Variants in SLC6A5 observed in about 807,000 individuals in gnomAD.
The protein encoded by SLC6A5 is solute carrier family 6 member 5, also known as sodium- and chloride-dependent glycine transporter 2.
In SLC6A5, 58 loss-of-function variants were observed where a neutral mutation model predicts 90.5. The ratio of observed to expected loss-of-function variants is 0.64; its 90% CI spans 0.52 to 0.80. SLC6A5 has a LOEUF of 0.80. SLC6A5 is among the 30% of genes least tolerant of loss of function. The pLI is 0.00. For missense variants in SLC6A5, 1,015 were observed against 1,017.6 expected (o/e 1.00, Z 0.03); for synonymous variants, 427 against 401.4 (o/e 1.06, Z -0.76).
intron 10 of SLC6A5, among the ~76,000 whole-genome samples, chr11:20,631,485 ATTTT>A (rs1853109258): frequency 6.6e-6 from 1 of 152,176 alleles, no homozygotes; most frequent in African/African-American, 2.4e-5. Context: ...AAGAGCTTTC[ATTTT>A]TATTTCACTT....
intron 10 of SLC6A5, among the ~76,000 whole-genome samples, chr11:20,635,702 C>CA (rs1749023023): frequency 6.6e-6 from 1 of 152,026 alleles, no homozygotes; most frequent in Admixed American, 6.6e-5. Flanking sequence ...GGTCATGTTC[C>CA]AACTTTTAGA....
intron 5 of SLC6A5, among the ~76,000 whole-genome samples, chr11:20,613,317 G>C (rs1852727654): frequency 6.6e-6 from 1 of 151,956 alleles, no homozygotes; most frequent in African/African-American, 2.4e-5. Flanking sequence ...ATAAGTGTAA[G>C]TTGTTGTTGT....
intron 4 of SLC6A5, 63 bp downstream of exon 4, chr11:20,607,201 T>C: frequency 1.3e-6 from 2 of 1,561,036 alleles, no homozygotes; most frequent in Middle Eastern, 2.1e-4. Flanking sequence ...TCTGGCACCA[T>C]GCAGCCCCAG....
chr11:20,612,274 A>G (rs1852709065), intron 5 of SLC6A5, among the ~76,000 whole-genome samples: 3 of 152,200 alleles, frequency 2.0e-5, no homozygotes, highest in Admixed American at 2.0e-4. Flanking sequence ...GTTATGGCTA[A>G]AATTTATTGA....
intron 13 of SLC6A5, 47 bp downstream of exon 13, chr11:20,638,605 G>A: frequency 2.7e-6 from 3 of 1,102,764 alleles, no homozygotes; most frequent in Non-Finnish European, 4.2e-6. Context: ...TTGAGTGTCG[G>A]TAAGGCATTC....
intron 4 of SLC6A5, 96 bp from the exon 5 acceptor site, chr11:20,607,383 A>G: frequency 7.1e-7 from 1 of 1,403,906 alleles, no homozygotes; most frequent in Non-Finnish European, 1.0e-6. Flanking sequence ...CATTCTGTAC[A>G]AGAGAGCCTA....
chr11:20,639,917 G>A (rs1853280619), intron 13 of SLC6A5, among the ~76,000 whole-genome samples: 1 of 152,224 alleles, frequency 6.6e-6, no homozygotes, highest in South Asian at 2.1e-4. Flanking sequence ...AGACCAAGCT[G>A]CCAGCACTTT....
intron 5 of SLC6A5, among the ~76,000 whole-genome samples, chr11:20,608,549 A>T (rs1425916786): frequency 6.6e-6 from 1 of 152,212 alleles, no homozygotes; most frequent in Non-Finnish European, 1.5e-5. Context: ...AGAAATGAGG[A>T]GTGTGATACA....
chr11:20,614,656 C>T (rs774260572), intron 5 of SLC6A5, 23 bp from the exon 6 acceptor site: 1 of 1,608,712 alleles, frequency 6.2e-7, no homozygotes. Flanking sequence ...AACTGTGTTT[C>T]TATTCTGTCC....
chr11:20,632,328 G>T (rs944463897), intron 10 of SLC6A5, among the ~76,000 whole-genome samples: 1 of 152,162 alleles, frequency 6.6e-6, no homozygotes, highest in Non-Finnish European at 1.5e-5. Flanking sequence ...CCTGAGATGT[G>T]GGCCAGGTTA....
chr11:20,600,156 G>T (rs969842129), intron 1 of SLC6A5, among the ~76,000 whole-genome samples: 1 of 152,112 alleles, frequency 6.6e-6, no homozygotes, highest in Non-Finnish European at 1.5e-5. Flanking sequence ...TTAGGAAGCC[G>T]TGAAAGATAA....
intron 9 of SLC6A5, among the ~76,000 whole-genome samples, chr11:20,629,871 C>G (rs546034742): frequency 6.6e-6 from 1 of 151,898 alleles, no homozygotes; most frequent in Non-Finnish European, 1.5e-5. Context: ...TGCCACCATG[C>G]CCCGCTAATT....
intron 4 of SLC6A5, 146 bp from the exon 5 acceptor site, chr11:20,607,333 T>A: frequency 2.6e-6 from 3 of 1,173,104 alleles, no homozygotes; most frequent in Non-Finnish European, 3.8e-6. Flanking sequence ...TGCCTTCATA[T>A]CCCTGGTAGA....
At chr11:20,606,632 C>T (rs1318401383) in intron 3 of SLC6A5, among the ~76,000 whole-genome samples, 1 of 152,008 alleles carries the variant, frequency 6.6e-6, no homozygotes, top group Admixed American at 6.5e-5. Context: ...AAGATTTCAC[C>T]AACCTGAATC....
chr11:20,655,291 G>A lies in SLC6A5; in HGVS notation c.*423G>A. On this transcript the variant is annotated 3_prime_UTR_variant, in exon 16 of 16. Coordinates refer to ENST00000525748, the MANE Select transcript of SLC6A5 (RefSeq NM_004211.5). ...GGACTTGAACAGAACTGAGCAATGT[G>A]GTGATCTTGTTCAGACACACAAAGT... 3.9e-6 allele frequency: 1 copy of A among 255,942 alleles called. No individual in the cohort carries two copies. The highest frequency in any genetic ancestry group is 7.8e-6 in the Non-Finnish European group (1 of 128,638). 15.9% of individuals were successfully genotyped at this position (255,942 alleles called of 1,614,324 possible).
chr11:20,625,675 C>G (rs979604464), intron 7 of SLC6A5, among the ~76,000 whole-genome samples: 4 of 152,150 alleles, frequency 2.6e-5, no homozygotes, highest in East Asian at 3.9e-4. Context: ...TCTAGCCCCC[C>G]ACCCCCTACT....
rs145903059 is a variant in SLC6A5, at chr11:20,604,290, A to G, written c.545A>G (p.Asp182Gly). 46 of 1,609,396 alleles carry G rather than the reference A, an allele frequency of 2.9e-5. No individual in the cohort carries two copies. The highest frequency in any genetic ancestry group is 3.9e-5 in the Non-Finnish European group (46 of 1,176,572). Residue 182 changes from aspartate (D) to glycine (G), a missense_variant, in exon 3 of 16, where the codon GAC (aspartate) becomes GGC (glycine). By Grantham distance (94) the Asp-to-Gly change is moderately conservative. Transcript: ENST00000525748. ...AATGTGCTTTTCCGCCCCCAGGAGGACGAGCAAGGGGATGAGAATAAGGCC... is the reference window on the plus strand; with the variant it reads ...AATGTGCTTTTCCGCCCCCAGGAGGGCGAGCAAGGGGATGAGAATAAGGCC... Reference protein sequence around the residue: ...GSVATVATQEDEQGDENKARG... With the variant: ...GSVATVATQEGEQGDENKARG...
chr11:20,602,802 T>C (rs1107420), intron 2 of SLC6A5, among the ~76,000 whole-genome samples: 16,828 of 152,298 alleles, frequency 0.11, 1,021 homozygotes, highest in African/African-American at 0.16. Flanking sequence ...GCCTTTCCTT[T>C]CGGGGTCCAC....
chr11:20,603,842 G>T (rs1166870567), intron 2 of SLC6A5, among the ~76,000 whole-genome samples: 1 of 152,056 alleles, frequency 6.6e-6, no homozygotes, highest in Non-Finnish European at 1.5e-5. Flanking sequence ...GTGGGAGAGG[G>T]TTAATTAGGA....
Sources: allele counts gnomAD v4.1 joint callset (sites outside exome capture counted in the v4.1 genomes callset), GRCh38; gene constraint gnomAD v4.1.1; transcripts MANE v1.5; gene names NCBI Gene and HGNC (gene_info 2026-07-23, HGNC 2026-07-21).